Variants in LRRC4C observed in about 807,000 individuals in gnomAD.
LRRC4C encodes the protein leucine-rich repeat-containing protein 4C.
In LRRC4C, 5 loss-of-function variants were observed where a neutral mutation model predicts 33.6. The ratio of observed to expected loss-of-function variants is 0.15; its 90% CI spans 0.08 to 0.31. LRRC4C has a LOEUF of 0.31. LRRC4C is among the 10% of genes least tolerant of loss of function. LRRC4C has a pLI of 1.00. For synonymous variants in LRRC4C, 329 were observed against 302.0 expected (o/e 1.09, Z -0.93); for missense variants, 560 against 796.7 (o/e 0.70, Z 3.58).
intron 2 of LRRC4C, among the ~76,000 whole-genome samples, chr11:40,722,008 C>T (rs1019501486): frequency 5.1e-4 from 77 of 152,160 alleles, no homozygotes; most frequent in Non-Finnish European, 8.5e-4. Flanking sequence ...ACTGAGTTCT[C>T]AGAGAATAGT....
At chr11:40,710,197 C>T (rs376208874) in intron 2 of LRRC4C, among the ~76,000 whole-genome samples, 37 of 152,310 alleles carry the variant, frequency 2.4e-4, no homozygotes, top group African/African-American at 7.2e-4. Flanking sequence ...TCTGTCAACT[C>T]GTCAAAGTCA....
At chr11:41,265,191 G>A (rs1256662479) in intron 1 of LRRC4C, among the ~76,000 whole-genome samples, 1 of 152,142 alleles carries the variant, frequency 6.6e-6, no homozygotes, top group Non-Finnish European at 1.5e-5. Flanking sequence ...ATAACTTAGA[G>A]TATGTGATAT....
At chr11:40,829,661 G>GAC (rs1952322673) in intron 2 of LRRC4C, among the ~76,000 whole-genome samples, 1 of 151,934 alleles carries the variant, frequency 6.6e-6, no homozygotes, top group African/African-American at 2.4e-5. Flanking sequence ...CTGTGCTGTA[G>GAC]AAAGAAAAGT....
At chr11:40,435,731 G>T (rs1450936496) in intron 3 of LRRC4C, among the ~76,000 whole-genome samples, 3 of 152,086 alleles carry the variant, frequency 2.0e-5, no homozygotes, top group Admixed American at 6.6e-5. Context: ...AAAAATATCA[G>T]CAATTATAAT....
chr11:41,097,196 T>C (rs1362383454), intron 1 of LRRC4C, among the ~76,000 whole-genome samples: 1 of 152,162 alleles, frequency 6.6e-6, no homozygotes, highest in African/African-American at 2.4e-5. Flanking sequence ...GTGGCGTTTC[T>C]AACCCTACTA....
chr11:40,296,060 T>A (rs1404666396), intron 4 of LRRC4C, among the ~76,000 whole-genome samples: 1 of 152,200 alleles, frequency 6.6e-6, no homozygotes, highest in Non-Finnish European at 1.5e-5. Context: ...AATGATTTGT[T>A]TTTTTCAGAG....
chr11:40,484,158 T>C (rs1176466681), intron 3 of LRRC4C, among the ~76,000 whole-genome samples: 1 of 152,136 alleles, frequency 6.6e-6, no homozygotes, highest in Non-Finnish European at 1.5e-5. Context: ...AATGTTTTGA[T>C]ATCTAACAGA....
At chr11:40,713,579 G>T (rs1278376874) in intron 2 of LRRC4C, among the ~76,000 whole-genome samples, 1 of 152,146 alleles carries the variant, frequency 6.6e-6, no homozygotes, top group Non-Finnish European at 1.5e-5. Context: ...TTACTTAAAA[G>T]GGTAGTCATG....
intron 5 of LRRC4C, among the ~76,000 whole-genome samples, chr11:40,141,191 T>G (rs1228380895): frequency 6.6e-6 from 1 of 152,102 alleles, no homozygotes; most frequent in Non-Finnish European, 1.5e-5. Context: ...AATTGGATAA[T>G]GCATTATAAT....
At chr11:41,062,111 T>C (rs1937821514) in intron 1 of LRRC4C, among the ~76,000 whole-genome samples, 1 of 152,248 alleles carries the variant, frequency 6.6e-6, no homozygotes, top group African/African-American at 2.4e-5. Flanking sequence ...AAACTTATTA[T>C]AATTTCAGCA....
intron 1 of LRRC4C, among the ~76,000 whole-genome samples, chr11:41,342,689 T>C (rs1951679967): frequency 6.6e-6 from 1 of 152,166 alleles, no homozygotes; most frequent in Admixed American, 6.5e-5. Flanking sequence ...AACTCCAGCC[T>C]GGGCAACAGA....
intron 3 of LRRC4C, among the ~76,000 whole-genome samples, chr11:40,399,590 G>A (rs1030910088): frequency 1.3e-5 from 2 of 151,970 alleles, no homozygotes; most frequent in South Asian, 2.1e-4. Flanking sequence ...GCTAAATGAC[G>A]AGTTAATGGG....
chr11:40,498,484 A>G (rs1203808549), intron 3 of LRRC4C, among the ~76,000 whole-genome samples: 2 of 152,202 alleles, frequency 1.3e-5, no homozygotes, highest in Non-Finnish European at 2.9e-5. Context: ...GTTCATTTTA[A>G]TATTGAAAAT....
chr11:41,085,609 T>C (rs1404149095), intron 1 of LRRC4C, among the ~76,000 whole-genome samples: 1 of 152,140 alleles, frequency 6.6e-6, no homozygotes, highest in Non-Finnish European at 1.5e-5. Context: ...TACCCATCAC[T>C]GTCCACTGCC....
chr11:40,245,298 T>A (rs2136128018), intron 4 of LRRC4C, among the ~76,000 whole-genome samples: 1 of 152,334 alleles, frequency 6.6e-6, no homozygotes, highest in South Asian at 2.1e-4. Flanking sequence ...ACTCTATTAT[T>A]TGCATATGTT....
At chr11:41,306,301 C>A (rs1374425192) in intron 1 of LRRC4C, among the ~76,000 whole-genome samples, 1 of 152,216 alleles carries the variant, frequency 6.6e-6, no homozygotes, top group Non-Finnish European at 1.5e-5. Context: ...CTAGTAGTAT[C>A]TTTGTCTCAC....
Position 40,714,585 on chromosome 11 carries a change from C to A in LRRC4C, c.-406-66307G>T, listed in dbSNP as rs1172314051. Among the ~76,000 whole-genome samples, 6 of 152,146 alleles carry A rather than the reference C, an allele frequency of 3.9e-5. No homozygotes were observed. In the East Asian group the frequency reaches 1.2e-3, roughly 29 times the overall value. On this transcript the variant is annotated intron_variant, in intron 2 of 6. Transcript: ENST00000528697. ...ATTGTATGAAACTTGTCCTGCTAAT[C>A]CTCAAGTATTTGTAGAAGAGCAAAT... is the stretch of plus-strand genomic sequence containing the variant.
chr11:40,971,408 G>A (rs1287184767), intron 1 of LRRC4C, among the ~76,000 whole-genome samples: 11 of 152,152 alleles, frequency 7.2e-5, no homozygotes, highest in Admixed American at 7.2e-4. Context: ...AAGTCTGTTT[G>A]GCTTCCACGT....
chr11:40,440,303 T>C (rs1263575699), intron 3 of LRRC4C, among the ~76,000 whole-genome samples: 114 of 63,012 alleles, frequency 1.8e-3, no homozygotes, highest in Admixed American at 2.1e-3. Context: ...CTCTTTCTTT[T>C]TTTTTTTTTT....
Sources: allele counts gnomAD v4.1 joint callset (sites outside exome capture counted in the v4.1 genomes callset), GRCh38; gene constraint gnomAD v4.1.1; transcripts MANE v1.5; gene names NCBI Gene and HGNC (gene_info 2026-07-23, HGNC 2026-07-21).